Variants in C1orf167 observed in about 807,000 individuals in gnomAD.
C1orf167 encodes the protein chromosome 1 open reading frame 167.
A neutral mutation model predicts 176.5 loss-of-function variants in C1orf167; 153 were observed. The ratio of observed to expected loss-of-function variants is 0.87; its 90% CI spans 0.76 to 0.99. The LOEUF is 0.99. Among genes scored for constraint, C1orf167 ranks in the 50% least tolerant of loss-of-function variants. The probability of loss-of-function intolerance (pLI) is 0.00; values close to 1 mark genes in which losing one functional copy is unlikely to be tolerated. For missense variants in C1orf167, 1,490 were observed against 1,817.7 expected (o/e 0.82, Z 3.28); for synonymous variants, 594 against 752.7 (o/e 0.79, Z 3.45).
chr1:11,763,376 C>T (rs1570365838), intron 1 of C1orf167, among the ~76,000 whole-genome samples: 2 of 143,460 alleles, frequency 1.4e-5, no homozygotes, highest in South Asian at 2.2e-4. Flanking sequence ...GGGAGGCAGG[C>T]GGAGGTTGCA....
At position 11,767,262 on chromosome 1, in the gene C1orf167, C is replaced by G. The variant is rs58597054; in HGVS notation, c.1341C>G (p.Ile447Met). 1.6e-6 allele frequency: 2 copies of G among 1,289,282 alleles called. No homozygotes were observed. Among genetic ancestry groups the G allele is most frequent in the East Asian group, 5.6e-5 (1 of 17,984 alleles). 79.9% of individuals were successfully genotyped at this position (1,289,282 alleles called of 1,614,324 possible). The change falls in exon 4 of 21, where the codon ATC (isoleucine) becomes ATG (methionine). Residue 447 changes from isoleucine to methionine, a missense_variant and splice_region_variant. Ile to Met is a conservative substitution (Grantham distance 10). Transcript: ENST00000688073. ...TCACAGCCCCAGAGTCTGAGGCAAT[C>G]TGGTGAGGCCATGGCTGGGTGGGGA... is the stretch of plus-strand genomic sequence containing the variant. ...QNITAPESEA[I>M]CWQLLSRCFR...
chr1:11,766,267 C>T lies in C1orf167; in HGVS notation c.481C>T (p.Arg161Cys), dbSNP rs1422906103. 7.8e-6 allele frequency: 10 copies of T among 1,289,700 alleles called. No individual in the cohort carries two copies. Among genetic ancestry groups the T allele is most frequent in the African/African-American group, 3.0e-5 (2 of 65,882 alleles). 79.9% of individuals were successfully genotyped at this position (1,289,700 alleles called of 1,614,324 possible). ...TCTCCTATCCCAAGAGCCACTGGCT[C>T]GCCCATCTTCCTGCCTGAGGCAGTC... ...GPLLSQEPLA[R>C]PSSCLRQSGL... Residue 161 changes from arginine (R) to cysteine (C), a missense_variant, in exon 3 of 21, where the codon CGC becomes TGC. Arg to Cys is a radical substitution (Grantham distance 180). Coordinates refer to ENST00000688073, the MANE Select transcript of C1orf167 (RefSeq NM_001010881.2). The surrounding 1 kb of genome is among the most constrained non-coding windows in gnomAD (Gnocchi z 4.5).
In C1orf167 at chr1:11,768,422, C is replaced by T. The variant is rs1557724007; in HGVS notation, c.1542+147C>T. ...TAAAGGGTGTAGTTGTGAGTCCACA[C>T]ACCTGAATCAGCTCTGCCTGAGTTC... On this transcript the variant is annotated intron_variant, in intron 5 of 20. Transcript: ENST00000688073. This position sits in a 1 kb window ranked among gnomAD's most constrained non-coding sequence, Gnocchi z 4.5. 1 of 658,146 alleles carries T rather than the reference C, an allele frequency of 1.5e-6. No individual in the cohort carries two copies. The highest frequency in any genetic ancestry group is 2.2e-6 in the Non-Finnish European group (1 of 455,484). 40.8% of individuals were successfully genotyped at this position (658,146 alleles called of 1,614,324 possible). A position where few individuals can be genotyped will look rare whatever the true frequency, so the allele number is the denominator to read the frequency against.
rs895020734 is a variant in C1orf167, at chr1:11,766,003, A to G, written c.217A>G (p.Thr73Ala). The G allele has an allele frequency of 1.6e-6, 2 of 1,289,408 alleles. No individual in the cohort carries two copies. The highest frequency in any genetic ancestry group is 2.0e-6 in the Non-Finnish European group (2 of 988,712). The allele number at this position is 1,289,408 out of a possible 1,614,324, so 79.9% of individuals were successfully genotyped here. A position where few individuals can be genotyped will look rare whatever the true frequency, so the allele number is the denominator to read the frequency against. Reference protein sequence around the residue: ...VLDQEPCRVQTNLASPGPRLG... With the variant: ...VLDQEPCRVQANLASPGPRLG... Reference sequence around the variant, plus strand: ...AGACCAGGAGCCCTGCCGAGTCCAGACCAACCTGGCCAGCCCTGGTCCCCG... The same window carrying G: ...AGACCAGGAGCCCTGCCGAGTCCAGGCCAACCTGGCCAGCCCTGGTCCCCG... The change falls in exon 3 of 21, where the codon ACC (threonine) becomes GCC (alanine). Residue 73 changes from threonine (T) to alanine (A), a missense_variant. Transcript: ENST00000688073. The surrounding 1 kb of genome is among the most constrained non-coding windows in gnomAD (Gnocchi z 4.5).
In C1orf167 at chr1:11,787,929, C is replaced by A. The variant is rs138288803; in HGVS notation, c.3730C>A (p.Gln1244Lys). The change falls in exon 18 of 21, where the codon CAG (glutamine) becomes AAG (lysine). Residue 1244 changes from glutamine (Q) to lysine (K), a missense_variant. Coordinates refer to ENST00000688073, the MANE Select transcript of C1orf167 (RefSeq NM_001010881.2). ...CCAGCTCTGGCCACAGTGGCCTGGA[C>A]AGAGTAGCTGGGTCCCAGGCCTGCC... ...AFQLWPQWPG[Q>K]SSWVPGLPLW... 4.5e-5 allele frequency: 58 copies of A among 1,302,798 alleles called. No homozygotes were observed. In the African/African-American group the frequency reaches 7.4e-4, roughly 17 times the overall value. The allele number at this position is 1,302,798 out of a possible 1,614,324, so 80.7% of individuals were successfully genotyped here.
chr1:11,775,315 C>T (rs1355278861), intron 8 of C1orf167, 120 bp from the exon 9 acceptor site: 1 of 712,050 alleles, frequency 1.4e-6, no homozygotes, highest in Non-Finnish European at 2.0e-6. Context: ...AACACGGAGG[C>T]TCAGAGAGAT....
rs1454474040 is a variant in C1orf167, at chr1:11,775,630, C to T, written c.2164+20C>T. On this transcript the variant is annotated intron_variant, in intron 9 of 20. Coordinates refer to ENST00000688073, the MANE Select transcript of C1orf167 (RefSeq NM_001010881.2). ...AAGCAGGTGAGCTAGTGTTGGCTTC[C>T]GCCCCAGCAAACCGTGTCACTTAAG... The T allele has an allele frequency of 3.3e-5, 42 of 1,292,152 alleles. No homozygotes were observed. The highest frequency in any genetic ancestry group is 8.8e-5 in the South Asian group (7 of 79,420). The allele number at this position is 1,292,152 out of a possible 1,614,324, so 80.0% of individuals were successfully genotyped here.
chr1:11,769,390 G>T (rs1642945252), intron 6 of C1orf167, among the ~76,000 whole-genome samples: 1 of 152,082 alleles, frequency 6.6e-6, no homozygotes, highest in Admixed American at 6.6e-5. Context: ...AACATAGCGA[G>T]ACCCCGTCTC....
In C1orf167 at chr1:11,776,513, A is replaced by C. The variant is rs1214119246; in HGVS notation, c.2214A>C (p.Ala738=). Reference sequence around the variant, plus strand: ...GCCCTGGAGCCTGTGGCCTGGGTGCAGTGGGCCAGGCCCAGGGGCAGCAGG... The same window carrying C: ...GCCCTGGAGCCTGTGGCCTGGGTGCCGTGGGCCAGGCCCAGGGGCAGCAGG... ...TAGPGACGLG[A]VGQAQGQQEQ... Residue 738 remains alanine, a synonymous_variant, in exon 10 of 21, where the codon GCA becomes GCC. Transcript: ENST00000688073. The C allele has an allele frequency of 7.7e-7, 1 of 1,300,316 alleles. No individual in the cohort carries two copies. The highest frequency in any genetic ancestry group is 1.0e-6 in the Non-Finnish European group (1 of 987,262). The allele number at this position is 1,300,316 out of a possible 1,614,324, so 80.5% of individuals were successfully genotyped here. A position where few individuals can be genotyped will look rare whatever the true frequency, so the allele number is the denominator to read the frequency against.
chr1:11,787,499 G>A lies in C1orf167; in HGVS notation c.3673+6G>A. On this transcript the variant is annotated splice_donor_region_variant and intron_variant, in intron 17 of 20. Coordinates refer to ENST00000688073, the MANE Select transcript of C1orf167 (RefSeq NM_001010881.2). ...GGGAACGGCCTGGGCTCAGAGTAAG[G>A]AGACCTTGCCCCGGGGGACAAACGG... 7.7e-7 allele frequency: 1 copy of A among 1,298,420 alleles called. No individual in the cohort carries two copies. Among genetic ancestry groups the A allele is most frequent in the Middle Eastern group, 2.1e-4 (1 of 4,680 alleles). 80.4% of individuals were successfully genotyped at this position (1,298,420 alleles called of 1,614,324 possible).
Position 11,778,791 on chromosome 1 carries a change from G to A in C1orf167, c.2471G>A (p.Ser824Asn). The A allele has an allele frequency of 7.7e-7, 1 of 1,302,756 alleles. No homozygotes were observed. The highest frequency in any genetic ancestry group is 1.0e-6 in the Non-Finnish European group (1 of 988,394). 80.7% of individuals were successfully genotyped at this position (1,302,756 alleles called of 1,614,324 possible). Residue 824 changes from serine (S) to asparagine (N), a missense_variant, in exon 11 of 21, where the codon AGC (serine) becomes AAC (asparagine). By Grantham distance (46) the Ser-to-Asn change is conservative. Transcript: ENST00000688073. ...TPSALEPLSS[S>N]TLQDSLEKVP... ...TCGGCTCTGGAGCCACTGAGCAGCA[G>A]CACACTCCAAGACTCTCTGGAGAAG... is the stretch of plus-strand genomic sequence containing the variant.
At chr1:11,769,980 A>G (rs116083443) in intron 6 of C1orf167, among the ~76,000 whole-genome samples, 1,543 of 152,208 alleles carry the variant, frequency 0.01, 18 homozygotes, top group African/African-American at 0.031. Context: ...TTTACTGGTT[A>G]TGTTTCCAAT....
At chr1:11,762,949 T>C (rs59565659) in intron 1 of C1orf167, among the ~76,000 whole-genome samples, 10,665 of 152,088 alleles carry the variant, frequency 0.07, 1,229 homozygotes, top group African/African-American at 0.24. Context: ...TTGCTGCAGT[T>C]GGAGAGACAG....
At chr1:11,770,823 TA>T (rs766606340) in intron 6 of C1orf167, among the ~76,000 whole-genome samples, 1 of 129,610 alleles carries the variant, frequency 7.7e-6, no homozygotes, top group Non-Finnish European at 1.7e-5. Flanking sequence ...TTTTTTTTTT[TA>T]AACAGAGCCT....
chr1:11,764,592 C>A, intron 2 of C1orf167, 122 bp downstream of exon 2: 1 of 802,628 alleles, frequency 1.2e-6, no homozygotes, highest in Non-Finnish European at 1.8e-6. Flanking sequence ...AGAGATCAGC[C>A]ACCCACGGTC....
intron 2 of C1orf167, among the ~76,000 whole-genome samples, chr1:11,764,964 G>C (rs1642713363): frequency 7.2e-6 from 1 of 139,460 alleles, no homozygotes; most frequent in Non-Finnish European, 1.5e-5. Context: ...TGCAGCAGGA[G>C]AATCACTTGT....
At position 11,768,180 on chromosome 1, in the gene C1orf167, C is replaced by T. The variant is rs759239577; in HGVS notation, c.1447C>T (p.Arg483Ter). Residue 483 changes from arginine (R) to a stop codon, truncating the protein, a stop_gained, in exon 5 of 21, where the codon CGA becomes TGA. Coordinates refer to ENST00000688073, the MANE Select transcript of C1orf167 (RefSeq NM_001010881.2). LOFTEE classifies it high-confidence loss of function. The surrounding 1 kb of genome is among the most constrained non-coding windows in gnomAD (Gnocchi z 4.5). ...GGCACTGGGCCGCTGGCAGCTGTTG[C>T]GAAAGTGCCTTCAGGCCTTGTGGCT... ...AVALGRWQLL[R>*]KCLQALWLRE... 20 of 1,287,810 alleles carry T rather than the reference C, an allele frequency of 1.6e-5. No individual in the cohort carries two copies. The highest frequency in any genetic ancestry group is 1.7e-5 in the Non-Finnish European group (17 of 987,220). 79.8% of individuals were successfully genotyped at this position (1,287,810 alleles called of 1,614,324 possible).
rs1642884807 is a variant in C1orf167 at position 11,768,088 on chromosome 1, T to C, written c.1355T>C (p.Leu452Ser). 3.1e-6 allele frequency: 4 copies of C among 1,287,516 alleles called. No homozygotes were observed. The highest frequency in any genetic ancestry group is 4.1e-6 in the Non-Finnish European group (4 of 987,578). 79.8% of individuals were successfully genotyped at this position (1,287,516 alleles called of 1,614,324 possible). ...PESEAICWQL[L>S]SRCFRSWRHL... ...TGGTCTGTCCCCAGCTGGCAGCTGTTGTCCAGATGTTTTCGATCCTGGAGG... is the reference window on the plus strand; with the variant it reads ...TGGTCTGTCCCCAGCTGGCAGCTGTCGTCCAGATGTTTTCGATCCTGGAGG... The change falls in exon 5 of 21, where the codon TTG (leucine) becomes TCG (serine). Residue 452 changes from leucine to serine, a missense_variant. Transcript: ENST00000688073. The surrounding 1 kb of genome is among the most constrained non-coding windows in gnomAD (Gnocchi z 4.5).
chr1:11,773,800 G>A (rs1408785862), intron 8 of C1orf167, among the ~76,000 whole-genome samples: 4 of 152,018 alleles, frequency 2.6e-5, no homozygotes, highest in African/African-American at 7.2e-5. Flanking sequence ...TAATACTCAC[G>A]AATATCTGGC....
Sources: allele counts gnomAD v4.1 joint callset (sites outside exome capture counted in the v4.1 genomes callset), GRCh38; gene constraint gnomAD v4.1.1; non-coding constraint Gnocchi (gnomAD v3.1); transcripts MANE v1.5; gene names NCBI Gene and HGNC (gene_info 2026-07-23, HGNC 2026-07-21).